Variants in ASIC2 observed in about 807,000 individuals in gnomAD.
ASIC2 encodes acid-sensing ion channel 2.
Under a neutral mutation model 57.3 loss-of-function variants are expected in ASIC2, and 25 were observed. The ratio of observed to expected loss-of-function variants is 0.44; its 90% confidence interval spans 0.32 to 0.61. The LOEUF is 0.61. Among genes scored for constraint, ASIC2 ranks in the 20% least tolerant of loss-of-function variants. The pLI is 0.06. For missense variants in ASIC2, 641 were observed against 738.1 expected (o/e 0.87, Z 1.52); for synonymous variants, 319 against 307.5 (o/e 1.04, Z -0.39).
intron 1 of ASIC2, among the ~76,000 whole-genome samples, chr17:33,466,082 G>A (rs1912854571): frequency 6.6e-6 from 1 of 152,128 alleles, no homozygotes; most frequent in South Asian, 2.1e-4. Flanking sequence ...TTAAAAGAAT[G>A]CTTAAAAATA....
chr17:33,726,310 G>C (rs957614331), intron 1 of ASIC2, among the ~76,000 whole-genome samples: 2 of 152,164 alleles, frequency 1.3e-5, no homozygotes, highest in Non-Finnish European at 2.9e-5. Flanking sequence ...CTGTATGAGA[G>C]ATTGGAGCAA....
In ASIC2 at chr17:33,506,783, C is replaced by T. The variant is rs80233123; in HGVS notation, c.556-394716G>A. The stretch of plus-strand genomic sequence containing the variant: ...GTAAAATGGGGCTAATCATGTCTGT[C>T]TCTGAGTCAATGTAAATAAAAAAAC... On this transcript the variant is annotated intron_variant, in intron 1 of 9. Transcript: ENST00000359872. Among the ~76,000 whole-genome samples, 733 of 152,264 alleles carry T rather than the reference C, an allele frequency of 4.8e-3. 2 individuals are homozygous for T. Among genetic ancestry groups the T allele is most frequent in the Non-Finnish European group, 7.6e-3 (519 of 68,018 alleles).
At chr17:33,888,453 C>T (rs1324418729) in intron 1 of ASIC2, among the ~76,000 whole-genome samples, 2 of 152,150 alleles carry the variant, frequency 1.3e-5, no homozygotes, top group African/African-American at 2.4e-5. Context: ...CCTCCTAACC[C>T]TAACCTTCCC....
At chr17:33,816,514 T>G (rs1368227293) in intron 1 of ASIC2, among the ~76,000 whole-genome samples, 11 of 152,176 alleles carry the variant, frequency 7.2e-5, no homozygotes, top group Non-Finnish European at 1.3e-4. Flanking sequence ...GTCATGCAGA[T>G]AGAGGGAAGC....
At chr17:33,256,447 AT>A (rs199664904) in intron 1 of ASIC2, among the ~76,000 whole-genome samples, 339 of 152,054 alleles carry the variant, frequency 2.2e-3, no homozygotes, top group South Asian at 8.3e-3. Context: ...TTCCTATTAT[AT>A]TTTTTTTACA....
chr17:34,030,289 A>G (rs1435094805), intron 1 of ASIC2, among the ~76,000 whole-genome samples: 1 of 152,190 alleles, frequency 6.6e-6, no homozygotes, highest in East Asian at 1.9e-4. Flanking sequence ...CTAGAAATCC[A>G]CCCATACTTT....
At chr17:33,022,091 A>G (rs9907312) in intron 6 of ASIC2, among the ~76,000 whole-genome samples, 145,119 of 152,244 alleles carry the variant, frequency 0.95, 69,211 homozygotes, top group East Asian at 1. Context: ...GTTGGCAAGA[A>G]GGAGGGGCTG....
At chr17:33,808,227 T>A (rs1912322910) in intron 1 of ASIC2, among the ~76,000 whole-genome samples, 1 of 152,252 alleles carries the variant, frequency 6.6e-6, no homozygotes, top group Non-Finnish European at 1.5e-5. Flanking sequence ...GAGGTCTGTG[T>A]CTACATTCTT....
At chr17:33,350,256 T>C (rs1453560347) in intron 1 of ASIC2, among the ~76,000 whole-genome samples, 1 of 152,218 alleles carries the variant, frequency 6.6e-6, no homozygotes, top group African/African-American at 2.4e-5. Context: ...TGCCCAGACA[T>C]AAGCTCATGC....
At chr17:33,234,054 C>T (rs991659759) in intron 1 of ASIC2, among the ~76,000 whole-genome samples, 18 of 152,198 alleles carry the variant, frequency 1.2e-4, no homozygotes, top group Admixed American at 6.5e-5. Context: ...ACGTGGGCAC[C>T]CACATGGCCA....
intron 1 of ASIC2, among the ~76,000 whole-genome samples, chr17:33,789,687 G>GTT (rs1383241135): frequency 6.6e-6 from 1 of 151,958 alleles, no homozygotes; most frequent in Non-Finnish European, 1.5e-5. Context: ...GTGTGTGTGT[G>GTT]TATTGAGTGA....
chr17:33,502,636 A>G (rs1200690120), intron 1 of ASIC2, among the ~76,000 whole-genome samples: 1 of 152,202 alleles, frequency 6.6e-6, no homozygotes, highest in East Asian at 1.9e-4. Flanking sequence ...GGCTCACATC[A>G]GGGCAGGAAC....
intron 1 of ASIC2, among the ~76,000 whole-genome samples, chr17:33,360,664 G>A (rs547180596): frequency 1.9e-4 from 29 of 152,272 alleles, no homozygotes; most frequent in Middle Eastern, 3.4e-3. Flanking sequence ...TTTAGCCTTG[G>A]CCATTTCACA....
In ASIC2 at chr17:33,292,933, CT is replaced by C; in HGVS notation, c.-819del. 2.0e-6 allele frequency: 2 copies of C among 985,536 alleles called. No individual in the cohort carries two copies. Among genetic ancestry groups the C allele is most frequent in the South Asian group, 9.4e-5 (2 of 21,292 alleles). The allele number at this position is 985,536 out of a possible 1,614,324, so 61.0% of individuals were successfully genotyped here. On this transcript the variant is annotated 5_prime_UTR_variant, in exon 1 of 10. Transcript: ENST00000225823. ...CGGGAGGCTGTTCGCCGCCGGGGTC[CT>C]TCAAGGATGCTAGCCGCAGGGAAGT...
chr17:33,763,519 G>T (rs1910847922), intron 1 of ASIC2, among the ~76,000 whole-genome samples: 1 of 152,150 alleles, frequency 6.6e-6, no homozygotes, highest in Admixed American at 6.5e-5. Context: ...TTGTTTACTA[G>T]TTTCCAGTTC....
chr17:33,167,170 AC>A lies in ASIC2; in HGVS notation c.709-55104del, dbSNP rs1905336630. 2.6e-5 allele frequency among the ~76,000 whole-genome samples: 4 copies of A among 152,038 alleles called. No homozygotes were observed. The South Asian group carries it at 8.3e-4, about 32-fold the overall frequency. ...CATGACACTCAACATGTCCCAAGCC[AC>A]CTTTGCCCTCTGCACTTCCACCATC... On this transcript the variant is annotated intron_variant, in intron 1 of 9. Coordinates refer to ENST00000225823, the MANE Select transcript of ASIC2 (RefSeq NM_183377.2).
intron 1 of ASIC2, among the ~76,000 whole-genome samples, chr17:33,958,472 C>T (rs1904813061): frequency 6.6e-6 from 1 of 152,088 alleles, no homozygotes; most frequent in African/African-American, 2.4e-5. Flanking sequence ...CAATTCTTGT[C>T]TTCTGTGCAC....
chr17:33,274,288 G>C (rs1242915299), intron 1 of ASIC2, among the ~76,000 whole-genome samples: 5 of 152,190 alleles, frequency 3.3e-5, no homozygotes, highest in Non-Finnish European at 4.4e-5. Flanking sequence ...AGGTAGGCAA[G>C]GGCCAGCTGC....
chr17:33,439,471 G>T (rs1911750008), intron 1 of ASIC2, among the ~76,000 whole-genome samples: 1 of 152,146 alleles, frequency 6.6e-6, no homozygotes, highest in South Asian at 2.1e-4. Flanking sequence ...TAAGAATAGG[G>T]ATATCATAGG....
Sources: gnomAD v4.1 joint callset for allele counts (sites outside exome capture counted in the v4.1 genomes callset) on GRCh38, gnomAD v4.1.1 for gene constraint, MANE v1.5 for transcripts, NCBI Gene and HGNC (gene_info 2026-07-23, HGNC 2026-07-21) for gene names.